The following DFFB variants were observed in gnomAD, a reference collection of about 807,000 sequenced individuals.
DFFB encodes the protein DNA fragmentation factor subunit beta.
In DFFB, 29 loss-of-function variants were observed where a neutral mutation model predicts 32.7. The ratio of observed to expected loss-of-function variants is 0.89; its 90% CI spans 0.66 to 1.21. DFFB has a LOEUF of 1.21. DFFB is among the 50% of genes most tolerant of loss of function. The probability of loss-of-function intolerance (pLI) is 0.00; values close to 1 mark genes in which losing one functional copy is unlikely to be tolerated. For synonymous variants in DFFB, 170 were observed against 177.1 expected (o/e 0.96, Z 0.32); for missense variants, 398 against 440.6 (o/e 0.90, Z 0.87).
At chr1:3,872,654 T>C in intron 6 of DFFB, 82 bp downstream of exon 6, 1 of 1,268,456 alleles carries the variant, frequency 7.9e-7, no homozygotes, top group Non-Finnish European at 1.1e-6. Flanking sequence ...GCCATGGCCC[T>C]GTCCCTGCCA....
intron 6 of DFFB, among the ~76,000 whole-genome samples, chr1:3,882,367 T>C (rs2124772531): frequency 6.6e-6 from 1 of 152,108 alleles, no homozygotes; most frequent in South Asian, 2.1e-4. Context: ...TGTAGTTTTT[T>C]GTTTTCTTTT....
chr1:3,877,531 T>C (rs2124763170), intron 6 of DFFB, among the ~76,000 whole-genome samples: 1 of 152,182 alleles, frequency 6.6e-6, no homozygotes, highest in South Asian at 2.1e-4. Flanking sequence ...GGTTTCACCA[T>C]GTTGGCCGAG....
intron 5 of DFFB, among the ~76,000 whole-genome samples, chr1:3,870,413 C>T (rs201312153): frequency 6.6e-6 from 1 of 150,384 alleles, no homozygotes; most frequent in African/African-American, 2.4e-5. Flanking sequence ...TGCTTCTTCC[C>T]ATGGGACAGG....
At position 3,868,642 on chromosome 1, in the gene DFFB, A is replaced by AGGCC. The variant is rs1557716115; in HGVS notation, c.510+589_510+590insGGCC. On this transcript the variant is annotated intron_variant, in intron 4 of 6. Transcript: ENST00000378209. ...ACACCACACCAGGCCACACCACACCAAGCCACACCACACCAGGCCACACCA... is the reference window on the plus strand; with the variant it reads ...ACACCACACCAGGCCACACCACACCAGGCCAGCCACACCACACCAGGCCACACCA... 8.6e-5 allele frequency among the ~76,000 whole-genome samples: 13 copies of AGGCC among 151,654 alleles called. 2 individuals are homozygous for AGGCC. The highest frequency in any genetic ancestry group is 2.4e-4 in the African/African-American group (10 of 41,346).
At chr1:3,876,836 C>G (rs1489457941) in intron 6 of DFFB, among the ~76,000 whole-genome samples, 1 of 152,262 alleles carries the variant, frequency 6.6e-6, no homozygotes, top group Non-Finnish European at 1.5e-5. Flanking sequence ...AACACCTTCC[C>G]TCTCGGGCTG....
chr1:3,873,040 G>A, intron 6 of DFFB: 1 of 1,221,548 alleles, frequency 8.2e-7, no homozygotes, highest in South Asian at 1.3e-5. Flanking sequence ...TGTGGCCCAG[G>A]CTAAAGTGCA....
intron 2 of DFFB, among the ~76,000 whole-genome samples, chr1:3,860,024 T>G (rs1644848953): frequency 6.6e-6 from 1 of 152,154 alleles, no homozygotes; most frequent in Non-Finnish European, 1.5e-5. Context: ...TCTCTGGCGC[T>G]TTATCCTCCT....
rs1483152794 is a variant in DFFB at position 3,865,677 on chromosome 1, C to T, written c.242-135C>T. On this transcript the variant is annotated intron_variant, in intron 2 of 6. Coordinates refer to ENST00000378209, the MANE Select transcript of DFFB (RefSeq NM_004402.4). The surrounding 1 kb of genome is among the most constrained non-coding windows in gnomAD (Gnocchi z 4.7). Reference sequence around the variant, plus strand: ...TCAGGGCAAGGACAAAGACCCGGGACACCTCAAGTCTGAGTCCTGGTGATT... The same window carrying T: ...TCAGGGCAAGGACAAAGACCCGGGATACCTCAAGTCTGAGTCCTGGTGATT... 7.3e-7 allele frequency: 1 copy of T among 1,377,644 alleles called. No individual in the cohort carries two copies. Among genetic ancestry groups the T allele is most frequent in the Admixed American group, 1.7e-5 (1 of 59,374 alleles). The allele number at this position is 1,377,644 out of a possible 1,614,324, so 85.3% of individuals were successfully genotyped here.
intron 2 of DFFB, among the ~76,000 whole-genome samples, chr1:3,861,329 G>A (rs1190627606): frequency 6.6e-6 from 1 of 152,108 alleles, no homozygotes; most frequent in Non-Finnish European, 1.5e-5. Flanking sequence ...ACCACAGTTT[G>A]TTCAACCATT....
chr1:3,883,852 C>G lies in DFFB; in HGVS notation c.*111C>G, dbSNP rs911965568. ...GTTTTTTTGGTCACTCCAGTAGCTC[C>G]TGGAAAAAACCTTAAAAAATGTTTC... On this transcript the variant is annotated 3_prime_UTR_variant, in exon 7 of 7. Transcript: ENST00000378209. The G allele has an allele frequency of 2.6e-5, 20 of 764,220 alleles. No homozygotes were observed. The African/African-American group carries it at 3.0e-4, about 11-fold the overall frequency. The allele number at this position is 764,220 out of a possible 1,614,324, so 47.3% of individuals were successfully genotyped here. A position where few individuals can be genotyped will look rare whatever the true frequency, so the allele number is the denominator to read the frequency against.
intron 6 of DFFB, among the ~76,000 whole-genome samples, chr1:3,880,723 CGGAGCTCGCTTGGGCCT>C (rs375031651): frequency 5.3e-5 from 8 of 151,692 alleles, no homozygotes; most frequent in African/African-American, 1.9e-4. Context: ...TGTTTGGGCC[CGGAGCTCGCTTGGGCCT>C]GGAGCTCGCT....
At chr1:3,862,700 T>C (rs544335121) in intron 2 of DFFB, among the ~76,000 whole-genome samples, 1 of 152,164 alleles carries the variant, frequency 6.6e-6, no homozygotes, top group African/African-American at 2.4e-5. Flanking sequence ...GTACAATAAA[T>C]GAAAGACCTA....
In DFFB at chr1:3,885,373, G is replaced by A. The variant is rs1043996102; in HGVS notation, c.*1632G>A. The A allele has an allele frequency of 6.6e-6, 1 of 152,058 alleles. No individual in the cohort carries two copies. The highest frequency in any genetic ancestry group is 1.5e-5 in the Non-Finnish European group (1 of 68,018). 9.4% of individuals were successfully genotyped at this position (152,058 alleles called of 1,614,324 possible). On this transcript the variant is annotated 3_prime_UTR_variant, in exon 7 of 7. Transcript: ENST00000378209. ...TAAATTAAGTCATTTTGTAATATTT[G>A]AATTTTTACATTTGTTGTACAATCA... is the stretch of plus-strand genomic sequence containing the variant.
intron 2 of DFFB, among the ~76,000 whole-genome samples, 183 bp downstream of exon 2, chr1:3,859,027 C>T (rs961003476): frequency 2.0e-5 from 3 of 152,198 alleles, no homozygotes; most frequent in African/African-American, 7.2e-5. Flanking sequence ...AGTCCTCAGT[C>T]CTCTCGTTCA....
At position 3,861,490 on chromosome 1, in the gene DFFB, G is replaced by A. The variant is rs139157429; in HGVS notation, c.241+2646G>A. On this transcript the variant is annotated intron_variant, in intron 2 of 6. Coordinates refer to ENST00000378209, the MANE Select transcript of DFFB (RefSeq NM_004402.4). ...GTCGCCCAGGCTGGAGTGCAGTGGT[G>A]CAATCATAGCTCACTCTAGCTTTCA... Among the ~76,000 whole-genome samples, 5 of 152,252 alleles carry A rather than the reference G, an allele frequency of 3.3e-5. No individual in the cohort carries two copies. The East Asian group carries it at 9.7e-4, about 29-fold the overall frequency.
intron 5 of DFFB, among the ~76,000 whole-genome samples, chr1:3,870,531 C>T (rs1645091505): frequency 6.6e-6 from 1 of 152,238 alleles, no homozygotes; most frequent in Non-Finnish European, 1.5e-5. Context: ...TGCGCTCGCT[C>T]ACCACTCAGT....
chr1:3,882,017 T>C (rs550588988), intron 6 of DFFB, among the ~76,000 whole-genome samples: 1 of 142,332 alleles, frequency 7.0e-6, no homozygotes, highest in African/African-American at 2.6e-5. Flanking sequence ...GTCTTCCAAA[T>C]GGTTTATAAG....
intron 6 of DFFB, among the ~76,000 whole-genome samples, chr1:3,875,902 G>A (rs1193625232): frequency 3.9e-5 from 6 of 151,996 alleles, no homozygotes; most frequent in African/African-American, 9.7e-5. Context: ...TCAGCTTCCC[G>A]AGTAGCTGGG....
intron 5 of DFFB, 41 bp from the exon 6 acceptor site, chr1:3,872,431 A>G: frequency 4.4e-5 from 61 of 1,390,588 alleles, no homozygotes; most frequent in African/African-American, 5.9e-5. Context: ...AAAAAAAGAG[A>G]CTCACTTTCT....
Sources: gnomAD v4.1 joint callset for allele counts (sites outside exome capture counted in the v4.1 genomes callset) on GRCh38, gnomAD v4.1.1 for gene constraint, Gnocchi (gnomAD v3.1) non-coding constraint, MANE v1.5 for transcripts, NCBI Gene and HGNC (gene_info 2026-07-23, HGNC 2026-07-21) for gene names.